ASH1L: variants seen among roughly 807,000 people sequenced by gnomAD.
The protein encoded by ASH1L is ASH1 like histone lysine methyltransferase, also known as histone-lysine N-methyltransferase ASH1L.
ASH1L carries 23 observed loss-of-function variants against 269.0 expected under a neutral mutation model. That is an observed-to-expected ratio of 0.09 (90% CI 0.06 to 0.12). ASH1L has a LOEUF of 0.12. Among genes scored for constraint, ASH1L ranks in the 10% least tolerant of loss-of-function variants. ASH1L has a pLI of 1.00. For missense variants in ASH1L, 2,912 were observed against 3,567.8 expected (o/e 0.82, Z 4.68); for synonymous variants, 1,187 against 1,253.5 (o/e 0.95, Z 1.12).
At chr1:155,405,829 CAAAAAA>C (rs201440660) in intron 6 of ASH1L, among the ~76,000 whole-genome samples, 1 of 77,070 alleles carries the variant, frequency 1.3e-5, no homozygotes, top group African/African-American at 4.5e-5. Context: ...TTCTCTGTGT[CAAAAAA>C]AAAAAAAAAA....
intron 7 of ASH1L, among the ~76,000 whole-genome samples, chr1:155,388,871 C>A (rs1192395623): frequency 6.6e-6 from 1 of 151,056 alleles, no homozygotes; most frequent in Non-Finnish European, 1.5e-5. Flanking sequence ...CCGCACCCAG[C>A]AAATGTTGTT....
Position 155,478,960 on chromosome 1 carries a change from T to A in ASH1L, c.3910A>T (p.Thr1304Ser). ...GGGATAAAATGATGACTTCGATGAGTGATCCGAATTTCACTTAGGCGACTT... is the reference window on the plus strand; with the variant it reads ...GGGATAAAATGATGACTTCGATGAGAGATCCGAATTTCACTTAGGCGACTT... ...LISRLSEIRI[T>S]HRSHHFIPRD... The change falls in exon 3 of 28, where the codon ACT becomes TCT. Residue 1304 changes from threonine to serine, a missense_variant. Coordinates refer to ENST00000392403, the MANE Select transcript of ASH1L (RefSeq NM_018489.3). This position sits in a 1 kb window ranked among gnomAD's most constrained non-coding sequence, Gnocchi z 4.6. 1 of 1,613,712 alleles carries A rather than the reference T, an allele frequency of 6.2e-7. No homozygotes were observed. Among genetic ancestry groups the A allele is most frequent in the Non-Finnish European group, 8.5e-7 (1 of 1,179,996 alleles).
At chr1:155,537,460 T>C (rs1186216981) in intron 1 of ASH1L, among the ~76,000 whole-genome samples, 1 of 152,218 alleles carries the variant, frequency 6.6e-6, no homozygotes, top group Non-Finnish European at 1.5e-5. Flanking sequence ...TCACATTTTA[T>C]AGATGGGCAA....
chr1:155,394,513 G>A (rs1477528046), intron 7 of ASH1L, among the ~76,000 whole-genome samples: 1 of 152,156 alleles, frequency 6.6e-6, no homozygotes, highest in Non-Finnish European at 1.5e-5. Flanking sequence ...AGATACTACT[G>A]TCACAGACTT....
intron 1 of ASH1L, among the ~76,000 whole-genome samples, chr1:155,533,834 G>A (rs1239569993): frequency 2.6e-5 from 4 of 151,784 alleles, no homozygotes; most frequent in African/African-American, 9.7e-5. Context: ...CATTCTACTG[G>A]TTCTCCCAAC....
chr1:155,398,253 T>G (rs1436105940), intron 6 of ASH1L, among the ~76,000 whole-genome samples: 1 of 152,222 alleles, frequency 6.6e-6, no homozygotes, highest in African/African-American at 2.4e-5. Context: ...TAAATGTTGC[T>G]CACAGAAACT....
In ASH1L at chr1:155,360,252, C is replaced by T. The variant is rs776537204; in HGVS notation, c.6795+49G>A. On this transcript the variant is annotated intron_variant, in intron 13 of 27. Coordinates refer to ENST00000392403, the MANE Select transcript of ASH1L (RefSeq NM_018489.3). ...TTACAGAAAGCTCATGTTATTACAGCATTGTAAGGGATAAAGTTCAATCTC... is the reference window on the plus strand; with the variant it reads ...TTACAGAAAGCTCATGTTATTACAGTATTGTAAGGGATAAAGTTCAATCTC... 5.7e-6 allele frequency: 7 copies of T among 1,220,302 alleles called. No homozygotes were observed. In the Admixed American group the frequency reaches 1.2e-4, roughly 21 times the overall value. 75.6% of individuals were successfully genotyped at this position (1,220,302 alleles called of 1,614,324 possible).
intron 5 of ASH1L, among the ~76,000 whole-genome samples, chr1:155,428,508 C>T (rs1014866712): frequency 3.3e-5 from 5 of 151,918 alleles, no homozygotes; most frequent in African/African-American, 1.2e-4. Flanking sequence ...AAACTGGCCC[C>T]AAAACTGGCC....
At chr1:155,415,344 T>C (rs893938313) in intron 6 of ASH1L, among the ~76,000 whole-genome samples, 13 of 139,728 alleles carry the variant, frequency 9.3e-5, no homozygotes, top group Non-Finnish European at 1.5e-4. Flanking sequence ...ATCGCACCAC[T>C]GCACTCCAGC....
At chr1:155,374,050 C>A (rs544964504) in intron 10 of ASH1L, among the ~76,000 whole-genome samples, 1 of 152,066 alleles carries the variant, frequency 6.6e-6, no homozygotes, top group Non-Finnish European at 1.5e-5. Context: ...TTTTAAAGGC[C>A]GGGCACGGTG....
At chr1:155,545,286 G>A (rs1670730458) in intron 1 of ASH1L, among the ~76,000 whole-genome samples, 1 of 149,330 alleles carries the variant, frequency 6.7e-6, no homozygotes, top group South Asian at 2.1e-4. Flanking sequence ...GGGCACTAGT[G>A]GCCACCATCA....
rs1441967175 is a variant in ASH1L, at chr1:155,360,357, C to T, written c.6739G>A (p.Ala2247Thr). ...IGLYALKDMP[A>T]GTELTYDYNF... is the part of the protein sequence containing the mutation. Reference sequence around the variant, plus strand: ...TAATCATAAGTGAGTTCAGTCCCAGCTGGCATGTCTTTAAGAGCATAGAGT... The same window carrying T: ...TAATCATAAGTGAGTTCAGTCCCAGTTGGCATGTCTTTAAGAGCATAGAGT... The change falls in exon 13 of 28, where the codon GCT (alanine) becomes ACT (threonine). Residue 2247 changes from alanine to threonine, a missense_variant. Around this residue, in one of 13 missense-constraint regions of ASH1L, gnomAD observed 309 missense variants for 435.1 expected, o/e 0.71. Coordinates refer to ENST00000392403, the MANE Select transcript of ASH1L (RefSeq NM_018489.3). The T allele has an allele frequency of 1.2e-6, 2 of 1,613,554 alleles. No homozygotes were observed. Among genetic ancestry groups the T allele is most frequent in the African/African-American group, 2.7e-5 (2 of 74,918 alleles).
intron 2 of ASH1L, among the ~76,000 whole-genome samples, chr1:155,506,003 G>A (rs960855830): frequency 3.1e-5 from 4 of 127,634 alleles, no homozygotes; most frequent in Non-Finnish European, 4.9e-5. Context: ...CCCACCCCAC[G>A]ACAGGCCCCG....
At chr1:155,528,804 T>G (rs919868453) in intron 1 of ASH1L, among the ~76,000 whole-genome samples, 10 of 152,252 alleles carry the variant, frequency 6.6e-5, no homozygotes, top group African/African-American at 2.4e-4. Context: ...ACCCAGGTAT[T>G]AAGCCTAGTA....
chr1:155,402,723 A>T (rs1446610541), intron 6 of ASH1L, among the ~76,000 whole-genome samples: 5 of 152,020 alleles, frequency 3.3e-5, no homozygotes, highest in African/African-American at 9.7e-5. Context: ...ATAATTATTT[A>T]AAAACTTTTT....
intron 6 of ASH1L, among the ~76,000 whole-genome samples, chr1:155,406,449 A>G (rs542354512): frequency 6.6e-6 from 1 of 152,320 alleles, no homozygotes; most frequent in Non-Finnish European, 1.5e-5. Flanking sequence ...TCACGCCTAT[A>G]ATCCTAGCAC....
intron 2 of ASH1L, among the ~76,000 whole-genome samples, chr1:155,509,634 A>G (rs1668036366): frequency 6.6e-6 from 1 of 152,142 alleles, no homozygotes; most frequent in Non-Finnish European, 1.5e-5. Context: ...GCCTGTCTCT[A>G]CTAAAAATAC....
intron 1 of ASH1L, among the ~76,000 whole-genome samples, chr1:155,545,949 G>A (rs1232199548): frequency 6.6e-6 from 1 of 152,010 alleles, no homozygotes; most frequent in Non-Finnish European, 1.5e-5. Flanking sequence ...TAGATGTCAG[G>A]AGTTCGAGAC....
Position 155,378,199 on chromosome 1 carries a change from C to G in ASH1L, c.6332+82G>C, listed in dbSNP as rs1015225792. On this transcript the variant is annotated intron_variant, in intron 10 of 27. Transcript: ENST00000392403. ...AACTTCTTGAAAAAAATCAAAGAGC[C>G]TATTTAACTGTACCCTCCAAAGGAA... The G allele has an allele frequency of 4.9e-6, 5 of 1,027,770 alleles. No homozygotes were observed. The African/African-American group carries it at 8.0e-5, about 16-fold the overall frequency. The allele number at this position is 1,027,770 out of a possible 1,614,324, so 63.7% of individuals were successfully genotyped here.
Sources: allele counts gnomAD v4.1 joint callset (sites outside exome capture counted in the v4.1 genomes callset), GRCh38; gene constraint gnomAD v4.1.1; regional missense constraint gnomAD v4.1.1; non-coding constraint Gnocchi (gnomAD v3.1); transcripts MANE v1.5; gene names NCBI Gene and HGNC (gene_info 2026-07-23, HGNC 2026-07-21).